Variants in EPS8 observed in about 807,000 individuals in gnomAD.
EPS8 encodes the protein epidermal growth factor receptor kinase substrate 8.
EPS8 carries 42 observed loss-of-function variants against 103.8 expected under a neutral mutation model. The observed-to-expected ratio is 0.40, with a 90% CI of 0.32 to 0.52. The LOEUF is 0.52. EPS8 is among the 20% of genes least tolerant of loss of function. The probability of loss-of-function intolerance (pLI) is 0.40; values close to 1 mark genes in which losing one functional copy is unlikely to be tolerated. For synonymous variants in EPS8, 344 were observed against 344.6 expected, an observed-to-expected ratio of 1.00 and a Z score of 0.02; for missense variants, 969 against 1,005.1, an observed-to-expected ratio of 0.96 and a Z score of 0.49.
rs1946864429 is a variant in EPS8 at position 15,745,250 on chromosome 12, G to A, written c.-22+43911C>T. Among the ~76,000 whole-genome samples the A allele has an allele frequency of 6.6e-6, 1 of 152,126 alleles. No homozygotes were observed. ...TAAAAGAACACTTTACAACCTAACT[G>A]CTTATTATAGACTAAGTTCAGTAGA... On this transcript the variant is annotated intron_variant, in intron 1 of 20. Coordinates refer to ENST00000281172, the MANE Select transcript of EPS8 (RefSeq NM_004447.6). The surrounding 1 kb of genome is among the most constrained non-coding windows in gnomAD (Gnocchi z 4.6).
rs138201836 is a variant in EPS8 at position 15,637,044 on chromosome 12, C to T, written c.1821+3659G>A. ...TCTTCTTTTTCTTCTTGTTTTGAGA[C>T]GGAGTCTCGCTCTGTCGCCAGGCTG... On this transcript the variant is annotated intron_variant, in intron 17 of 20. Coordinates refer to ENST00000281172, the MANE Select transcript of EPS8 (RefSeq NM_004447.6). Among the ~76,000 whole-genome samples the T allele has an allele frequency of 9.0e-3, 1,372 of 152,328 alleles. 20 individuals are homozygous for T. Among genetic ancestry groups the T allele is most frequent in the African/African-American group, 0.031 (1,276 of 41,578 alleles).
chr12:15,630,101 G>C (rs1945017692), intron 18 of EPS8, among the ~76,000 whole-genome samples: 1 of 151,976 alleles, frequency 6.6e-6, no homozygotes. Context: ...TACAGTAAAA[G>C]TATGTTTATG....
At chr12:15,674,136 G>A (rs978341720) in intron 3 of EPS8, among the ~76,000 whole-genome samples, 13 of 152,082 alleles carry the variant, frequency 8.5e-5, no homozygotes, top group Admixed American at 5.2e-4. Flanking sequence ...AAGCATCCAG[G>A]TGTTGGTATT....
intron 1 of EPS8, among the ~76,000 whole-genome samples, chr12:15,722,260 G>A (rs555757336): frequency 1.5e-4 from 22 of 151,526 alleles, no homozygotes; most frequent in Non-Finnish European, 2.4e-4. Flanking sequence ...GTGTTGGGCC[G>A]CACTCAAAGC....
intron 18 of EPS8, among the ~76,000 whole-genome samples, chr12:15,627,313 G>GT (rs147272261): frequency 0.012 from 1,785 of 152,172 alleles, 26 homozygotes; most frequent in African/African-American, 0.038. Context: ...CAACTTAATC[G>GT]TTTTTTAACC....
At chr12:15,744,884 AT>A (rs535216088) in intron 1 of EPS8, among the ~76,000 whole-genome samples, 6 of 150,170 alleles carry the variant, frequency 4.0e-5, no homozygotes, top group South Asian at 2.1e-4. Context: ...TATTACTATT[AT>A]TTTTTTTTTG....
intron 2 of EPS8, among the ~76,000 whole-genome samples, chr12:15,682,409 G>T (rs1946023779): frequency 6.6e-6 from 1 of 152,128 alleles, no homozygotes. Flanking sequence ...TTAAGTCAGG[G>T]TTATGATTTC....
intron 1 of EPS8, among the ~76,000 whole-genome samples, chr12:15,763,549 C>T (rs1186057630): frequency 6.6e-6 from 1 of 152,160 alleles, no homozygotes; most frequent in East Asian, 1.9e-4. Context: ...GCCAGCTTCA[C>T]AACAAGGGGC....
chr12:15,725,472 TAA>T lies in EPS8; in HGVS notation c.-21-42502_-21-42501del, dbSNP rs75488976. 6.1e-5 allele frequency among the ~76,000 whole-genome samples: 8 copies of T among 131,696 alleles called. No individual in the cohort carries two copies. The highest frequency in any genetic ancestry group is 5.6e-5 in the African/African-American group (2 of 35,902). 86.4% of individuals were successfully genotyped at this position (131,696 alleles called of 152,430 possible). On this transcript the variant is annotated intron_variant, in intron 1 of 20. Transcript: ENST00000281172. This position sits in a 1 kb window ranked among gnomAD's most constrained non-coding sequence, Gnocchi z 4.5. ...GTCTCAAAAAAAAAAGGAAAAAAACTAAAAAAAAAAAAAAAATCTGCATGGGT... is the reference window on the plus strand; with the variant it reads ...GTCTCAAAAAAAAAAGGAAAAAAACTAAAAAAAAAAAAAATCTGCATGGGT...
Position 15,780,617 on chromosome 12 carries a change from A to G in EPS8, c.-22+8544T>C, listed in dbSNP as rs1947251754. ...CTCTTTGATAAGAAAACCAAGGCAG[A>G]TAAGGTCTGATTCCAAAGTCCATTG... On this transcript the variant is annotated intron_variant, in intron 1 of 20. Coordinates refer to ENST00000281172, the MANE Select transcript of EPS8 (RefSeq NM_004447.6). This position sits in a 1 kb window ranked among gnomAD's most constrained non-coding sequence, Gnocchi z 4.1. The G allele has an allele frequency of 6.6e-6, 1 of 152,276 alleles. No individual in the cohort carries two copies. Among genetic ancestry groups the G allele is most frequent in the Admixed American group, 6.5e-5 (1 of 15,272 alleles). 9.4% of individuals were successfully genotyped at this position (152,276 alleles called of 1,614,324 possible).
At chr12:15,667,581 G>C (rs1945737769) in intron 6 of EPS8, among the ~76,000 whole-genome samples, 1 of 151,906 alleles carries the variant, frequency 6.6e-6, no homozygotes, top group Admixed American at 6.6e-5. Context: ...AGATGCCTAG[G>C]AATCTTCAAC....
chr12:15,634,537 C>T (rs974865143), intron 17 of EPS8, among the ~76,000 whole-genome samples: 1 of 152,052 alleles, frequency 6.6e-6, no homozygotes, highest in Non-Finnish European at 1.5e-5. Context: ...TGCAAGTAAG[C>T]GCAACAAAGC....
rs1946130781 is a variant in EPS8 at position 15,688,753 on chromosome 12, T to A, written c.-21-5781A>T. 6.6e-6 allele frequency among the ~76,000 whole-genome samples: 1 copy of A among 152,156 alleles called. No homozygotes were observed. The highest frequency in any genetic ancestry group is 1.5e-5 in the Non-Finnish European group (1 of 68,038). On this transcript the variant is annotated intron_variant, in intron 1 of 20. Coordinates refer to ENST00000281172, the MANE Select transcript of EPS8 (RefSeq NM_004447.6). The surrounding 1 kb of genome is among the most constrained non-coding windows in gnomAD (Gnocchi z 5.1). Reference sequence around the variant, plus strand: ...TGCACTCATTCTCTAAGCCCACGTGTGATCCGATTCTTCCCATACGCCAAG... The same window carrying A: ...TGCACTCATTCTCTAAGCCCACGTGAGATCCGATTCTTCCCATACGCCAAG...
rs1946935639 is a variant in EPS8, at chr12:15,751,831, C to T, written c.-22+37330G>A. On this transcript the variant is annotated intron_variant, in intron 1 of 20. Coordinates refer to ENST00000281172, the MANE Select transcript of EPS8 (RefSeq NM_004447.6). The surrounding 1 kb of genome is among the most constrained non-coding windows in gnomAD (Gnocchi z 4.3). Reference sequence around the variant, plus strand: ...AACATGTTAGACGTTAACTAGACTTCTGATGAAGTCTCCCTTACATGATAA... The same window carrying T: ...AACATGTTAGACGTTAACTAGACTTTTGATGAAGTCTCCCTTACATGATAA... Among the ~76,000 whole-genome samples, 1 of 152,018 alleles carries T rather than the reference C, an allele frequency of 6.6e-6. No individual in the cohort carries two copies. The highest frequency in any genetic ancestry group is 6.5e-5 in the Admixed American group (1 of 15,268).
At position 15,669,523 on chromosome 12, in the gene EPS8, T is replaced by C. The variant is rs773247658; in HGVS notation, c.380A>G (p.Asn127Ser). The C allele has an allele frequency of 3.1e-6, 5 of 1,598,670 alleles. No individual in the cohort carries two copies. Among genetic ancestry groups the C allele is most frequent in the Non-Finnish European group, 4.3e-6 (5 of 1,173,500 alleles). Residue 127 changes from asparagine to serine, a missense_variant, in exon 6 of 21, where the codon AAT becomes AGT. Physicochemically the swap from Asn to Ser is conservative, Grantham distance 46. Coordinates refer to ENST00000281172, the MANE Select transcript of EPS8 (RefSeq NM_004447.6). ...GTGCTGGATTGTGTTTAAAGGAAAATTCTCCAGTTCATTCTATAAATAAAG... is the reference window on the plus strand; with the variant it reads ...GTGCTGGATTGTGTTTAAAGGAAAACTCTCCAGTTCATTCTATAAATAAAG... ...IDLESKNELE[N>S]FPLNTIQHCQ...
chr12:15,724,950 A>G (rs1946636904), intron 1 of EPS8, among the ~76,000 whole-genome samples: 2 of 152,094 alleles, frequency 1.3e-5, no homozygotes, highest in Admixed American at 1.3e-4. Flanking sequence ...TTTCTCCAAA[A>G]CTTAAAATAG....
chr12:15,747,764 T>C lies in EPS8; in HGVS notation c.-22+41397A>G, dbSNP rs1180924374. ...AGCCAGGCGCAGTGGCTCACGCCTGTAATCCCAGCACTTTGGGAGGCCGAG... is the reference window on the plus strand; with the variant it reads ...AGCCAGGCGCAGTGGCTCACGCCTGCAATCCCAGCACTTTGGGAGGCCGAG... On this transcript the variant is annotated intron_variant, in intron 1 of 20. Coordinates refer to ENST00000281172, the MANE Select transcript of EPS8 (RefSeq NM_004447.6). The surrounding 1 kb of genome is among the most constrained non-coding windows in gnomAD (Gnocchi z 4.4). Among the ~76,000 whole-genome samples, 1 of 152,158 alleles carries C rather than the reference T, an allele frequency of 6.6e-6. No individual in the cohort carries two copies. Among genetic ancestry groups the C allele is most frequent in the East Asian group, 1.9e-4 (1 of 5,198 alleles).
intron 15 of EPS8, among the ~76,000 whole-genome samples, chr12:15,642,136 T>C (rs1306002348): frequency 6.6e-6 from 1 of 152,070 alleles, no homozygotes; most frequent in African/African-American, 2.4e-5. Context: ...GGATATTATG[T>C]TAATTACCAT....
At chr12:15,668,470 C>T (rs1945755552) in intron 6 of EPS8, among the ~76,000 whole-genome samples, 1 of 152,140 alleles carries the variant, frequency 6.6e-6, no homozygotes, top group Admixed American at 6.5e-5. Context: ...AAAATGATTT[C>T]TCTTTTAAAG....
Sources: allele counts gnomAD v4.1 joint callset (sites outside exome capture counted in the v4.1 genomes callset), GRCh38; gene constraint gnomAD v4.1.1; non-coding constraint Gnocchi (gnomAD v3.1); transcripts MANE v1.5; gene names NCBI Gene and HGNC (gene_info 2026-07-23, HGNC 2026-07-21).